The following DGKB variants were observed in gnomAD, a reference collection of about 807,000 sequenced individuals.
DGKB encodes the protein 90 kDa diacylglycerol kinase.
DGKB carries 67 observed loss-of-function variants against 114.3 expected under a neutral mutation model. The ratio of observed to expected loss-of-function variants is 0.59; its 90% CI spans 0.48 to 0.72. The LOEUF is 0.72. Ranked by LOEUF, DGKB falls within the 30% of genes least tolerant of loss-of-function variation. DGKB has a pLI of 0.00. For missense variants in DGKB, 907 were observed against 975.2 expected, an observed-to-expected ratio of 0.93 and a Z score of 0.93; for synonymous variants, 398 against 323.1, an observed-to-expected ratio of 1.23 and a Z score of -2.49.
chr7:14,819,828 G>A (rs1264528436), intron 2 of DGKB, among the ~76,000 whole-genome samples: 1 of 151,978 alleles, frequency 6.6e-6, no homozygotes, highest in African/African-American at 2.4e-5. Context: ...AGTATATGAA[G>A]TAAACACACT....
At chr7:14,211,005 G>A (rs1000769639) in intron 23 of DGKB, among the ~76,000 whole-genome samples, 2 of 151,994 alleles carry the variant, frequency 1.3e-5, no homozygotes, top group Non-Finnish European at 2.9e-5. Context: ...CTCTGTAGAT[G>A]TTATGTTCCC....
chr7:14,691,577 A>G (rs1164163624), intron 9 of DGKB, among the ~76,000 whole-genome samples: 1 of 152,196 alleles, frequency 6.6e-6, no homozygotes, highest in African/African-American at 2.4e-5. Context: ...ATGCCTTAGA[A>G]TTCAACAGCT....
At chr7:14,682,114 C>A (rs1820939220) in intron 12 of DGKB, among the ~76,000 whole-genome samples, 1 of 152,030 alleles carries the variant, frequency 6.6e-6, no homozygotes, top group Non-Finnish European at 1.5e-5. Context: ...GTTCATTTTT[C>A]TAACCCTTTT....
At chr7:14,236,151 C>G (rs1457650496) in intron 23 of DGKB, among the ~76,000 whole-genome samples, 2 of 151,882 alleles carry the variant, frequency 1.3e-5, no homozygotes, top group African/African-American at 4.8e-5. Context: ...ACAGGCTTTT[C>G]AAATTACAGA....
rs529219329 is a variant in DGKB at position 14,174,741 on chromosome 7, C to A, written c.2304+2098G>T. ...TTACCCCCACCACCATCATAACCATCACCACCTCTGCAATAGCATCACCAC... is the reference window on the plus strand; with the variant it reads ...TTACCCCCACCACCATCATAACCATAACCACCTCTGCAATAGCATCACCAC... On this transcript the variant is annotated intron_variant, in intron 25 of 25. Transcript: ENST00000402815. Among the ~76,000 whole-genome samples the A allele has an allele frequency of 7.9e-5, 12 of 152,266 alleles. No homozygotes were observed. The South Asian group carries it at 8.3e-4, about 11-fold the overall frequency.
At chr7:14,722,599 G>T (rs1829359113) in intron 5 of DGKB, among the ~76,000 whole-genome samples, 1 of 152,082 alleles carries the variant, frequency 6.6e-6, no homozygotes. Flanking sequence ...GGATCACAAG[G>T]TGAAGAGATC....
chr7:14,748,658 A>G (rs1234694876), intron 4 of DGKB, among the ~76,000 whole-genome samples: 3 of 152,192 alleles, frequency 2.0e-5, no homozygotes, highest in Non-Finnish European at 4.4e-5. Flanking sequence ...GATCATCAAA[A>G]GAGAGTTATA....
chr7:14,275,305 G>T (rs1394877010), intron 23 of DGKB, among the ~76,000 whole-genome samples: 1 of 151,938 alleles, frequency 6.6e-6, no homozygotes, highest in South Asian at 2.1e-4. Flanking sequence ...CCTGGTATAG[G>T]GTTGACACAC....
intron 21 of DGKB, among the ~76,000 whole-genome samples, chr7:14,461,397 C>A (rs892500531): frequency 6.6e-6 from 1 of 150,812 alleles, no homozygotes. Context: ...ATCAAATAGA[C>A]AGAGTAAAAA....
chr7:14,233,819 T>G (rs1792301401), intron 23 of DGKB, among the ~76,000 whole-genome samples: 1 of 151,740 alleles, frequency 6.6e-6, no homozygotes, highest in African/African-American at 2.4e-5. Context: ...GCCACACACT[T>G]CTCAACCCCC....
intron 21 of DGKB, among the ~76,000 whole-genome samples, chr7:14,423,196 A>G (rs1476353710): frequency 6.6e-6 from 1 of 152,066 alleles, no homozygotes; most frequent in Non-Finnish European, 1.5e-5. Context: ...TTGCTAGACA[A>G]TAGTCAGCAT....
At chr7:14,685,491 C>G (rs1490570634) in intron 9 of DGKB, 129 bp from the exon 10 acceptor site, 4 of 674,000 alleles carry the variant, frequency 5.9e-6, no homozygotes, top group Non-Finnish European at 1.0e-5. Context: ...TGACTTTCTC[C>G]AAGATCACCG....
chr7:14,360,406 T>C (rs1815481601), intron 21 of DGKB, among the ~76,000 whole-genome samples: 1 of 151,962 alleles, frequency 6.6e-6, no homozygotes, highest in Non-Finnish European at 1.5e-5. Flanking sequence ...GGCACATGTA[T>C]ACCTATGTAA....
At chr7:14,496,457 G>T (rs1430620601) in intron 20 of DGKB, among the ~76,000 whole-genome samples, 3 of 151,684 alleles carry the variant, frequency 2.0e-5, no homozygotes, top group Non-Finnish European at 4.4e-5. Flanking sequence ...GCAAAAATGA[G>T]TGGTATAAGG....
chr7:14,639,025 T>A (rs934817785), intron 13 of DGKB, among the ~76,000 whole-genome samples: 1 of 151,092 alleles, frequency 6.6e-6, no homozygotes. Flanking sequence ...GCAACAAGAG[T>A]GAAACTCCAT....
intron 7 of DGKB, among the ~76,000 whole-genome samples, chr7:14,698,777 C>G (rs1027223285): frequency 1.3e-5 from 2 of 152,104 alleles, no homozygotes; most frequent in Non-Finnish European, 2.9e-5. Context: ...CAAGTTAATA[C>G]AGATGACCTG....
At chr7:14,844,937 T>C (rs1848431996) in intron 1 of DGKB, among the ~76,000 whole-genome samples, 1 of 151,558 alleles carries the variant, frequency 6.6e-6, no homozygotes, top group Non-Finnish European at 1.5e-5. Flanking sequence ...AGAAACCCTG[T>C]CTCTACCAAA....
intron 23 of DGKB, among the ~76,000 whole-genome samples, chr7:14,264,894 T>G (rs1041240459): frequency 7.2e-5 from 11 of 152,204 alleles, no homozygotes; most frequent in African/African-American, 2.4e-4. Flanking sequence ...ACTACTAAAA[T>G]GTGTGAAGGG....
chr7:14,729,374 G>A (rs1200911189), intron 5 of DGKB, among the ~76,000 whole-genome samples: 12 of 151,542 alleles, frequency 7.9e-5, no homozygotes, highest in Non-Finnish European at 1.3e-4. Flanking sequence ...CGCCCACCTT[G>A]GCCTCCCAAA....
Sources: allele counts gnomAD v4.1 joint callset (sites outside exome capture counted in the v4.1 genomes callset), GRCh38; gene constraint gnomAD v4.1.1; transcripts MANE v1.5; gene names NCBI Gene and HGNC (gene_info 2026-07-23, HGNC 2026-07-21).